The following LOXL3 variants were observed in gnomAD, a reference collection of about 807,000 sequenced individuals.
LOXL3 encodes the protein lysyl oxidase like 3.
LOXL3 carries 60 observed loss-of-function variants against 91.8 expected under a neutral mutation model. The ratio of observed to expected loss-of-function variants is 0.65; its 90% CI spans 0.53 to 0.81. LOXL3 has a LOEUF of 0.81. LOXL3 is among the 30% of genes least tolerant of loss of function. The pLI is 0.00. For synonymous variants in LOXL3, 355 were observed against 387.6 expected (o/e 0.92, Z 0.99); for missense variants, 874 against 1,000.4 (o/e 0.87, Z 1.70).
chr2:74,554,260 G>C (rs1677221626), upstream of LOXL3: 1 of 156,102 alleles, frequency 6.4e-6, no homozygotes, highest in South Asian at 1.7e-4. The surrounding 1 kb of genome is among the most constrained non-coding windows in gnomAD (Gnocchi z 4.9). Context: ...CGGTGGTGGC[G>C]GGAAGCGGTT....
intron 4 of LOXL3, chr2:74,539,684 C>T (rs1031289093): frequency 6.6e-6 from 1 of 152,612 alleles, no homozygotes; most frequent in Admixed American, 6.5e-5. Context: ...TCCTCACATC[C>T]CTAATCCATC....
Position 74,535,711 on chromosome 2 carries a change from C to T in LOXL3, c.1293G>A (p.Glu431=), listed in dbSNP as rs867278768. Residue 431 remains glutamate, a synonymous_variant, in exon 8 of 14, where the codon GAG becomes GAA. Coordinates refer to ENST00000264094, the MANE Select transcript of LOXL3 (RefSeq NM_032603.5). This position sits in a 1 kb window ranked among gnomAD's most constrained non-coding sequence, Gnocchi z 4.2. ...GGRSQHEGRV[E]VQIGGPGPLR... Reference sequence around the variant, plus strand: ...GGGGCCCAGGTCCCCCTATTTGCACCTCGACTCGCCCCTCATGTTGGCTGC... The same window carrying T: ...GGGGCCCAGGTCCCCCTATTTGCACTTCGACTCGCCCCTCATGTTGGCTGC... The T allele has an allele frequency of 6.2e-7, 1 of 1,600,038 alleles. No individual in the cohort carries two copies. Among genetic ancestry groups the T allele is most frequent in the Middle Eastern group, 1.7e-4 (1 of 5,970 alleles).
intron 4 of LOXL3, among the ~76,000 whole-genome samples, chr2:74,537,869 G>C (rs1318553188): frequency 6.6e-6 from 1 of 152,222 alleles, no homozygotes; most frequent in African/African-American, 2.4e-5. Flanking sequence ...CAGAGAAAGG[G>C]AAGAAAATGA....
At chr2:74,541,183 T>C (rs548061587) in intron 4 of LOXL3, among the ~76,000 whole-genome samples, 1 of 152,362 alleles carries the variant, frequency 6.6e-6, no homozygotes, top group East Asian at 1.9e-4. Flanking sequence ...TTAGGTATTA[T>C]AAGTAATCTA....
chr2:74,550,882 G>A (rs780212106), intron 2 of LOXL3, among the ~76,000 whole-genome samples: 8 of 151,720 alleles, frequency 5.3e-5, no homozygotes, highest in East Asian at 1.9e-4. Context: ...TCTTGTGCCC[G>A]CCCTGTCTGT....
At chr2:74,553,346 C>T (rs1209861632) in intron 1 of LOXL3, among the ~76,000 whole-genome samples, 1 of 152,216 alleles carries the variant, frequency 6.6e-6, no homozygotes, top group Non-Finnish European at 1.5e-5. Context: ...TGCACGCCCT[C>T]CCCAACACGC....
Position 74,535,868 on chromosome 2 carries a change from G to GC in LOXL3, c.1249-114_1249-113insG. 1 of 1,474,344 alleles carries GC rather than the reference G, an allele frequency of 6.8e-7. No individual in the cohort carries two copies. The highest frequency in any genetic ancestry group is 2.3e-5 in the East Asian group (1 of 43,938). 91.3% of individuals were successfully genotyped at this position (1,474,344 alleles called of 1,614,324 possible). A position where few individuals can be genotyped will look rare whatever the true frequency, so the allele number is the denominator to read the frequency against. On this transcript the variant is annotated intron_variant, in intron 7 of 13. Transcript: ENST00000264094. This position sits in a 1 kb window ranked among gnomAD's most constrained non-coding sequence, Gnocchi z 4.2. ...GGCACATAATGGGCTAGCAAGTGAT[G>GC]GGTCAGGTGGGAGCTGCAGGAGGGC...
chr2:74,546,044 A>T (rs985844124), intron 4 of LOXL3, among the ~76,000 whole-genome samples: 4 of 152,150 alleles, frequency 2.6e-5, no homozygotes, highest in Non-Finnish European at 4.4e-5. Context: ...CCAATTTCTT[A>T]CTTAGCTGAG....
Position 74,552,604 on chromosome 2 carries a change from G to T in LOXL3, c.31C>A (p.Pro11Thr), listed in dbSNP as rs761181300. 3.8e-6 allele frequency: 6 copies of T among 1,585,130 alleles called. No individual in the cohort carries two copies. Among genetic ancestry groups the T allele is most frequent in the Non-Finnish European group, 5.2e-6 (6 of 1,161,000 alleles). Reference protein sequence around the residue: MRPVSVWQWSPWGLLLCLLCS... With the variant: MRPVSVWQWSTWGLLLCLLCS... ...AGCAGGCACAGCAGCAGCCCCCAGGGGCTCCACTGCCAGACACTGACAGGT... is the reference window on the plus strand; with the variant it reads ...AGCAGGCACAGCAGCAGCCCCCAGGTGCTCCACTGCCAGACACTGACAGGT... Residue 11 changes from proline to threonine, a missense_variant, in exon 2 of 14, where the codon CCC (proline) becomes ACC (threonine). Transcript: ENST00000264094.
At chr2:74,542,465 A>C (rs537633170) in intron 4 of LOXL3, among the ~76,000 whole-genome samples, 1 of 151,904 alleles carries the variant, frequency 6.6e-6, no homozygotes, top group Non-Finnish European at 1.5e-5. Context: ...AGTCCTGCAT[A>C]CCATTTCTTT....
intron 1 of LOXL3, 26 bp from the exon 2 acceptor site, chr2:74,552,672 C>T (rs368354956): frequency 3.1e-5 from 46 of 1,482,928 alleles, no homozygotes; most frequent in African/African-American, 3.1e-4. Context: ...ACAAAGTGTG[C>T]GTGAGAGAAA....
intron 4 of LOXL3, among the ~76,000 whole-genome samples, chr2:74,541,794 T>G (rs1382040456): frequency 1.3e-5 from 2 of 150,942 alleles, no homozygotes; most frequent in African/African-American, 4.8e-5. Context: ...CACAAACATA[T>G]GTAATCTTAT....
intron 1 of LOXL3, chr2:74,553,015 A>T (rs1311045991): frequency 4.6e-6 from 1 of 218,972 alleles, no homozygotes; most frequent in Non-Finnish European, 9.0e-6. Context: ...GAGAGAGAGA[A>T]AACCAGAAAG....
chr2:74,550,564 C>T (rs1676941937), intron 2 of LOXL3, among the ~76,000 whole-genome samples: 1 of 152,096 alleles, frequency 6.6e-6, no homozygotes, highest in African/African-American at 2.4e-5. Flanking sequence ...TGGGGATACT[C>T]AAGAACCTGA....
intron 4 of LOXL3, among the ~76,000 whole-genome samples, chr2:74,539,224 A>G (rs751548572): frequency 2.6e-5 from 4 of 152,234 alleles, no homozygotes; most frequent in Non-Finnish European, 5.9e-5. Context: ...TATGTGGCGC[A>G]GGAAAGGTAC....
Position 74,552,501 on chromosome 2 carries a change from C to T in LOXL3, c.134G>A (p.Arg45Gln), listed in dbSNP as rs202057346. 5.1e-5 allele frequency: 82 copies of T among 1,613,542 alleles called. No homozygotes were observed. The highest frequency in any genetic ancestry group is 2.0e-4 in the Admixed American group (12 of 60,004). ...GGGCTTCCTGGGGAAGCCAGCCAGC[C>T]GGAACCGAAGCCCCTGGCTCCCGGC... is the stretch of plus-strand genomic sequence containing the variant. Reference protein sequence around the residue: ...KKAGSQGLRFRLAGFPRKPYE... With the variant: ...KKAGSQGLRFQLAGFPRKPYE... The change falls in exon 2 of 14, where the codon CGG (arginine) becomes CAG (glutamine). Residue 45 changes from arginine to glutamine, a missense_variant. Arg to Gln is a conservative substitution (Grantham distance 43, BLOSUM62 1). Transcript: ENST00000264094.
rs1377108603 is a variant in LOXL3 at position 74,535,494 on chromosome 2, C to T, written c.1417-40G>A. The T allele has an allele frequency of 6.2e-7, 1 of 1,612,764 alleles. No individual in the cohort carries two copies. Among genetic ancestry groups the T allele is most frequent in the Admixed American group, 1.7e-5 (1 of 59,964 alleles). On this transcript the variant is annotated intron_variant, in intron 8 of 13. Transcript: ENST00000264094. This position sits in a 1 kb window ranked among gnomAD's most constrained non-coding sequence, Gnocchi z 4.2. ...AGATGTTTCTGTAAGGCCCAGGATCCAGCATCTTGGGCCAAGGGACTCATT... is the reference window on the plus strand; with the variant it reads ...AGATGTTTCTGTAAGGCCCAGGATCTAGCATCTTGGGCCAAGGGACTCATT...
chr2:74,552,648 T>C lies in LOXL3; in HGVS notation c.-12-2A>G, dbSNP rs1411333051. ...GACAGGTCGCATGGCAGGGAAGGCC[T>C]GGGTGCCCCAGAGACAAAGTGTGCG... is the stretch of plus-strand genomic sequence containing the variant. On this transcript the variant is annotated splice_acceptor_variant, in intron 1 of 13. Coordinates refer to ENST00000264094, the MANE Select transcript of LOXL3 (RefSeq NM_032603.5). LOFTEE classifies it low-confidence loss of function (5UTR_SPLICE). 1.3e-5 allele frequency: 20 copies of C among 1,527,096 alleles called. No homozygotes were observed. The highest frequency in any genetic ancestry group is 1.7e-5 in the Non-Finnish European group (19 of 1,128,372). The allele number at this position is 1,527,096 out of a possible 1,614,324, so 94.6% of individuals were successfully genotyped here.
intron 4 of LOXL3, among the ~76,000 whole-genome samples, chr2:74,540,749 C>T (rs1676281725): frequency 6.7e-6 from 1 of 149,460 alleles, no homozygotes; most frequent in African/African-American, 2.4e-5. Flanking sequence ...CTCACTGCAG[C>T]CTTATCTCCT....
Sources: gnomAD v4.1 joint callset for allele counts (sites outside exome capture counted in the v4.1 genomes callset) on GRCh38, gnomAD v4.1.1 for gene constraint, Gnocchi (gnomAD v3.1) non-coding constraint, MANE v1.5 for transcripts, NCBI Gene and HGNC (gene_info 2026-07-23, HGNC 2026-07-21) for gene names.